Variants in PTCSC3 observed in about 807,000 individuals in gnomAD.
The protein encoded by PTCSC3 is papillary thyroid carcinoma susceptibility candidate 3.
intron 2 of PTCSC3, among the ~76,000 whole-genome samples, chr14:36,160,797 G>A (rs1881938305): frequency 1.3e-5 from 2 of 151,942 alleles, no homozygotes; most frequent in South Asian, 4.2e-4. Context: ...GAGTTCTCCT[G>A]GATAATATCC....
chr14:36,138,658 A>G (rs902389114), intron 3 of PTCSC3, among the ~76,000 whole-genome samples: 10 of 152,244 alleles, frequency 6.6e-5, no homozygotes, highest in African/African-American at 2.4e-4. Flanking sequence ...GCTAAAATTT[A>G]AAAGATTGAC....
chr14:36,146,261 G>A (rs1003781375), intron 3 of PTCSC3, among the ~76,000 whole-genome samples: 4 of 147,876 alleles, frequency 2.7e-5, no homozygotes, highest in African/African-American at 1.0e-4. Flanking sequence ...TGACAGTGGG[G>A]TGTTTAAGTC....
chr14:36,138,120 A>G (rs555682345), intron 3 of PTCSC3, among the ~76,000 whole-genome samples: 1 of 152,272 alleles, frequency 6.6e-6, no homozygotes, highest in East Asian at 1.9e-4. Context: ...GGTAATTCAA[A>G]TGGAGAAAAG....
intron 2 of PTCSC3, among the ~76,000 whole-genome samples, chr14:36,158,753 T>A (rs533536280): frequency 3.3e-5 from 5 of 152,344 alleles, no homozygotes; most frequent in African/African-American, 1.2e-4. Flanking sequence ...GGTATCAGGA[T>A]GATGCTGGCC....
rs562556316 is a variant in PTCSC3 at position 36,174,508 on chromosome 14, A to C, written n.171+1790T>G. 2.0e-5 allele frequency among the ~76,000 whole-genome samples: 3 copies of C among 152,308 alleles called. No homozygotes were observed. The South Asian group carries it at 6.2e-4, about 32-fold the overall frequency. On this transcript the variant is annotated intron_variant and non_coding_transcript_variant, in intron 1 of 3. Coordinates refer to ENST00000556013, the Ensembl canonical transcript of PTCSC3. ...ATTTTTATTTGTATGTCTAGTGATTAAATAGTGAACACTGTGGACAACACA... is the reference window on the plus strand; with the variant it reads ...ATTTTTATTTGTATGTCTAGTGATTCAATAGTGAACACTGTGGACAACACA...
At chr14:36,169,326 A>C (rs560736229) in intron 1 of PTCSC3, among the ~76,000 whole-genome samples, 1 of 152,184 alleles carries the variant, frequency 6.6e-6, no homozygotes, top group African/African-American at 2.4e-5. Context: ...ATACACTCTA[A>C]AAAACATTTA....
At chr14:36,153,794 G>A (rs1881772936) in intron 3 of PTCSC3, 1 of 152,144 alleles carries the variant, frequency 6.6e-6, no homozygotes. Context: ...AGCCAGACAT[G>A]GTGCCTCACC....
At chr14:36,153,018 A>T (rs1428736209) in intron 3 of PTCSC3, among the ~76,000 whole-genome samples, 1 of 152,194 alleles carries the variant, frequency 6.6e-6, no homozygotes, top group African/African-American at 2.4e-5. Flanking sequence ...AATACCATAG[A>T]CTAGTTGGTC....
exon 2 of PTCSC3, chr14:36,162,682 G>A (rs1399930272): frequency 2.0e-5 from 3 of 152,334 alleles, no homozygotes; most frequent in Middle Eastern, 3.4e-3. Context: ...CGGCCATTTT[G>A]CCTGCAATCC....
intron 3 of PTCSC3, among the ~76,000 whole-genome samples, chr14:36,139,732 T>C (rs1319873557): frequency 7.2e-5 from 11 of 152,224 alleles, no homozygotes; most frequent in Non-Finnish European, 1.5e-4. Flanking sequence ...GATTATGAAG[T>C]GTTCCTATAT....
At chr14:36,146,413 T>G (rs371560938) in intron 3 of PTCSC3, among the ~76,000 whole-genome samples, 2,379 of 136,522 alleles carry the variant, frequency 0.017, 24 homozygotes, top group Admixed American at 0.063. Flanking sequence ...TTACCATTAT[T>G]TAATGGCCTT....
intron 3 of PTCSC3, among the ~76,000 whole-genome samples, chr14:36,150,381 A>G (rs1431386966): frequency 6.6e-6 from 1 of 152,228 alleles, no homozygotes; most frequent in Non-Finnish European, 1.5e-5. Context: ...ACAAGGTACC[A>G]TCTATAAACC....
chr14:36,164,962 G>A (rs1882055693), intron 1 of PTCSC3: 1 of 152,194 alleles, frequency 6.6e-6, no homozygotes, highest in South Asian at 2.1e-4. Context: ...CCCAGGCAGT[G>A]TCATATCTTT....
At chr14:36,176,478 C>T (rs1490423514), upstream of PTCSC3, 1 of 152,000 alleles carries the variant, frequency 6.6e-6, no homozygotes, top group African/African-American at 2.4e-5. Context: ...CTCTATTCCT[C>T]TTTCAGTTAT....
At chr14:36,139,140 AGAAATG>A (rs1881361571) in intron 3 of PTCSC3, among the ~76,000 whole-genome samples, 7 of 133,446 alleles carry the variant, frequency 5.2e-5, no homozygotes, top group Non-Finnish European at 6.7e-5. Flanking sequence ...AAAAAAAAAA[AGAAATG>A]CATATATGTC....
intron 2 of PTCSC3, among the ~76,000 whole-genome samples, chr14:36,162,024 T>C (rs1216621963): frequency 6.6e-6 from 1 of 152,086 alleles, no homozygotes; most frequent in Non-Finnish European, 1.5e-5. Flanking sequence ...TAAAACCGCC[T>C]ACTCACACCT....
rs772585633 is a variant in PTCSC3 at position 36,166,036 on chromosome 14, G to T, written n.172-3353C>A. 3.9e-5 allele frequency among the ~76,000 whole-genome samples: 6 copies of T among 152,190 alleles called. 1 individual carries two copies. The South Asian group carries it at 8.3e-4, about 21-fold the overall frequency. ...ACTTACTGCAAAATAAAAATTACCC[G>T]AAAGAACTGTCCTTCTAGAGTGCTT... On this transcript the variant is annotated intron_variant and non_coding_transcript_variant, in intron 1 of 3. Coordinates refer to ENST00000556013, the Ensembl canonical transcript of PTCSC3.
At chr14:36,175,651 G>C (rs943373654) in intron 1 of PTCSC3, among the ~76,000 whole-genome samples, 7 of 152,192 alleles carry the variant, frequency 4.6e-5, no homozygotes, top group African/African-American at 7.2e-5. Flanking sequence ...GATACAGAAA[G>C]AAAGGAGGAA....
chr14:36,138,083 A>G (rs1337929902), intron 3 of PTCSC3, among the ~76,000 whole-genome samples: 2 of 152,170 alleles, frequency 1.3e-5, no homozygotes, highest in Admixed American at 6.6e-5. Context: ...GAACAGGAAG[A>G]AGTGGCTGCT....
Sources: allele counts gnomAD v4.1 joint callset (sites outside exome capture counted in the v4.1 genomes callset), GRCh38; gene constraint gnomAD v4.1.1; transcripts MANE v1.5; gene names NCBI Gene and HGNC (gene_info 2026-07-23, HGNC 2026-07-21).